The following ANKIB1 variants were observed in gnomAD, a reference collection of about 807,000 sequenced individuals.
ANKIB1 encodes ankyrin repeat and IBR domain containing 1, also known as ankyrin repeat and IBR domain-containing protein 1.
Under a neutral mutation model 122.1 loss-of-function variants are expected in ANKIB1, and 43 were observed. That is an observed-to-expected ratio of 0.35 (90% CI 0.28 to 0.45). ANKIB1 has a LOEUF of 0.45. Among genes scored for constraint, ANKIB1 ranks in the 20% least tolerant of loss-of-function variants. ANKIB1 has a pLI of 1.00. For missense variants in ANKIB1, 992 were observed against 1,329.5 expected (o/e 0.75, Z 3.95); for synonymous variants, 390 against 442.0 (o/e 0.88, Z 1.48).
intron 18 of ANKIB1, among the ~76,000 whole-genome samples, chr7:92,397,070 A>G (rs564255669): frequency 2.4e-4 from 36 of 152,378 alleles, no homozygotes; most frequent in African/African-American, 7.5e-4. Flanking sequence ...TGTAATTCCC[A>G]AATTATTTAA....
In ANKIB1 at chr7:92,394,266, C is replaced by G. The variant is rs377275446; in HGVS notation, c.2283+1974C>G. 5.9e-5 allele frequency among the ~76,000 whole-genome samples: 9 copies of G among 152,310 alleles called. No homozygotes were observed. In the South Asian group the frequency reaches 1.9e-3, roughly 32 times the overall value. ...AAACAGCTCCTTATAGCTTTTCCCTCTGTAAATCCTAGAACTTTTTAGTCT... is the reference window on the plus strand; with the variant it reads ...AAACAGCTCCTTATAGCTTTTCCCTGTGTAAATCCTAGAACTTTTTAGTCT... On this transcript the variant is annotated intron_variant, in intron 17 of 19. Transcript: ENST00000265742.
intron 14 of ANKIB1, among the ~76,000 whole-genome samples, chr7:92,388,440 AAC>A (rs1243284024): frequency 1.3e-5 from 2 of 152,268 alleles, no homozygotes; most frequent in Admixed American, 6.5e-5. Flanking sequence ...GAGAAAATTT[AAC>A]AGAGTGCCTA....
chr7:92,272,100 G>A (rs1389112921), intron 1 of ANKIB1, among the ~76,000 whole-genome samples: 2 of 152,192 alleles, frequency 1.3e-5, no homozygotes, highest in African/African-American at 4.8e-5. Flanking sequence ...GAGTGGTGGT[G>A]ATGGTTGCAC....
In ANKIB1 at chr7:92,287,446, T is replaced by C. The variant is rs534672730; in HGVS notation, c.-90-7443T>C. The stretch of plus-strand genomic sequence containing the variant: ...GTGATATTTTCTCATATTATGTTGA[T>C]ATAAATTTTTTCACAAGAGTACTAC... On this transcript the variant is annotated intron_variant, in intron 1 of 19. Coordinates refer to ENST00000265742, the MANE Select transcript of ANKIB1 (RefSeq NM_019004.2). 2.6e-5 allele frequency among the ~76,000 whole-genome samples: 4 copies of C among 152,354 alleles called. No homozygotes were observed. In the South Asian group the frequency reaches 8.3e-4, roughly 32 times the overall value.
At chr7:92,277,224 A>G (rs1419645679) in intron 1 of ANKIB1, among the ~76,000 whole-genome samples, 2 of 152,190 alleles carry the variant, frequency 1.3e-5, no homozygotes, top group Non-Finnish European at 2.9e-5. Context: ...TCTCAGTCTC[A>G]GGTATTTATA....
At chr7:92,324,999 G>A (rs1317414012) in intron 4 of ANKIB1, among the ~76,000 whole-genome samples, 1 of 152,194 alleles carries the variant, frequency 6.6e-6, no homozygotes, top group African/African-American at 2.4e-5. Context: ...AGTGGGAACT[G>A]CTATAAAGAG....
In ANKIB1 at chr7:92,295,167, G is replaced by A; in HGVS notation, c.188+1G>A. 6.5e-7 allele frequency: 1 copy of A among 1,533,796 alleles called. No individual in the cohort carries two copies. The highest frequency in any genetic ancestry group is 8.8e-7 in the Non-Finnish European group (1 of 1,136,940). On this transcript the variant is annotated splice_donor_variant, in intron 2 of 19. Coordinates refer to ENST00000265742, the MANE Select transcript of ANKIB1 (RefSeq NM_019004.2). LOFTEE classifies it high-confidence loss of function. ...GACATGGAATGAATAAAATATTAGG[G>A]TAAGTATTACTATAAACTAATTGGT...
At chr7:92,309,627 T>C (rs1397755341) in intron 3 of ANKIB1, among the ~76,000 whole-genome samples, 1 of 151,886 alleles carries the variant, frequency 6.6e-6, no homozygotes, top group African/African-American at 2.4e-5. Flanking sequence ...GCAATAGTGC[T>C]CTTAAATATT....
rs892987347 is a variant in ANKIB1, at chr7:92,339,288, C to T, written c.788-3736C>T. Reference sequence around the variant, plus strand: ...TGATCTCCTGACCTGGTGATCCGCCCGCCTTGGCCTCCCAAAGTGCTGGGA... The same window carrying T: ...TGATCTCCTGACCTGGTGATCCGCCTGCCTTGGCCTCCCAAAGTGCTGGGA... On this transcript the variant is annotated intron_variant, in intron 5 of 19. Transcript: ENST00000265742. Among the ~76,000 whole-genome samples the T allele has an allele frequency of 3.3e-5, 5 of 151,872 alleles. No homozygotes were observed. The East Asian group carries it at 9.8e-4, about 30-fold the overall frequency.
chr7:92,392,207 A>G (rs1267463825), intron 16 of ANKIB1, 34 bp from the exon 17 acceptor site: 3 of 1,587,836 alleles, frequency 1.9e-6, no homozygotes, highest in Non-Finnish European at 1.7e-6. Flanking sequence ...TAGTATTGAT[A>G]TTAAATCAAA....
In ANKIB1 at chr7:92,396,625, CAG is replaced by C. The variant is rs1804899198; in HGVS notation, c.2395+152_2395+153del. 48 of 596,914 alleles carry C rather than the reference CAG, an allele frequency of 8.0e-5. 1 individual carries two copies. Among genetic ancestry groups the C allele is most frequent in the South Asian group, 8.0e-4 (39 of 48,910 alleles). The allele number at this position is 596,914 out of a possible 1,614,324, so 37.0% of individuals were successfully genotyped here. A position where few individuals can be genotyped will look rare whatever the true frequency, so the allele number is the denominator to read the frequency against. ...TCTGTTGTGACAGGACACAGAAAAT[CAG>C]AGGAGTTAGGAGCATGGTCTGTGGA... is the stretch of plus-strand genomic sequence containing the variant. On this transcript the variant is annotated intron_variant, in intron 18 of 19. Transcript: ENST00000265742.
At chr7:92,322,561 TTTC>T (rs1326635377) in intron 4 of ANKIB1, among the ~76,000 whole-genome samples, 1 of 152,142 alleles carries the variant, frequency 6.6e-6, no homozygotes, top group South Asian at 2.1e-4. Context: ...GTGGTAACAG[TTTC>T]TTAAGTGTAC....
At chr7:92,321,431 T>C (rs1037789757) in intron 4 of ANKIB1, among the ~76,000 whole-genome samples, 7 of 152,214 alleles carry the variant, frequency 4.6e-5, no homozygotes, top group African/African-American at 1.7e-4. Flanking sequence ...ATTTTATGTA[T>C]TTTGTTTACT....
chr7:92,321,882 G>A (rs558573833), intron 4 of ANKIB1, among the ~76,000 whole-genome samples: 29 of 152,174 alleles, frequency 1.9e-4, no homozygotes, highest in Non-Finnish European at 3.4e-4. Flanking sequence ...AAGACAGAAG[G>A]CCTATGCCCT....
At chr7:92,350,141 CTT>C (rs35331536) in intron 7 of ANKIB1, among the ~76,000 whole-genome samples, 11,540 of 151,978 alleles carry the variant, frequency 0.076, 777 homozygotes, top group East Asian at 0.23. Flanking sequence ...GGAAATAAAA[CTT>C]ATTTTAATAT....
In ANKIB1 at chr7:92,329,663, G is replaced by A. The variant is rs142259592; in HGVS notation, c.787+1763G>A. Among the ~76,000 whole-genome samples the A allele has an allele frequency of 6.1e-3, 925 of 152,260 alleles. 9 individuals carry two copies. The highest frequency in any genetic ancestry group is 8.6e-3 in the Non-Finnish European group (588 of 68,026). On this transcript the variant is annotated intron_variant, in intron 5 of 19. Transcript: ENST00000265742. ...ATCATTTCTCCCATTGTATTGATTAGTGGGCAGCAATATTCACCTAATTTT... is the reference window on the plus strand; with the variant it reads ...ATCATTTCTCCCATTGTATTGATTAATGGGCAGCAATATTCACCTAATTTT...
chr7:92,314,496 A>G (rs1802753022), intron 3 of ANKIB1, among the ~76,000 whole-genome samples: 1 of 152,188 alleles, frequency 6.6e-6, no homozygotes, highest in South Asian at 2.1e-4. Flanking sequence ...CTTGTTGGAA[A>G]TGCAGAATCT....
intron 4 of ANKIB1, among the ~76,000 whole-genome samples, chr7:92,320,143 G>C (rs572212856): frequency 4.5e-4 from 68 of 152,128 alleles, no homozygotes; most frequent in African/African-American, 1.6e-3. Context: ...AACATGCTTT[G>C]GTAGATCCCA....
At chr7:92,280,426 A>T (rs991337860) in intron 1 of ANKIB1, among the ~76,000 whole-genome samples, 2 of 150,744 alleles carry the variant, frequency 1.3e-5, no homozygotes, top group Non-Finnish European at 2.9e-5. Flanking sequence ...AGCAGCAGCT[A>T]GGCTTAAGAA....
Sources: gnomAD v4.1 joint callset for allele counts (sites outside exome capture counted in the v4.1 genomes callset) on GRCh38, gnomAD v4.1.1 for gene constraint, MANE v1.5 for transcripts, NCBI Gene and HGNC (gene_info 2026-07-23, HGNC 2026-07-21) for gene names.